The following STXBP5L variants were observed in gnomAD, a reference collection of about 807,000 sequenced individuals.
STXBP5L encodes the protein syntaxin-binding protein 5-like.
STXBP5L carries 65 observed loss-of-function variants against 144.5 expected under a neutral mutation model. The ratio of observed to expected loss-of-function variants is 0.45; its 90% CI spans 0.37 to 0.55. The LOEUF (loss-of-function observed/expected upper bound fraction) is 0.55. STXBP5L is among the 20% of genes least tolerant of loss of function. The pLI is 0.00. For missense variants in STXBP5L, 1,298 were observed against 1,405.5 expected (o/e 0.92, Z 1.22); for synonymous variants, 505 against 469.6 (o/e 1.08, Z -0.97).
At chr3:121,123,344 A>C (rs981322300) in intron 7 of STXBP5L, among the ~76,000 whole-genome samples, 2 of 151,668 alleles carry the variant, frequency 1.3e-5, no homozygotes, top group Non-Finnish European at 3.0e-5. Flanking sequence ...TCCGATATCT[A>C]TACTGTTTAT....
In STXBP5L at chr3:121,029,881, A is replaced by C. The variant is rs139094701; in HGVS notation, c.288-11819A>C. 7.8e-3 allele frequency among the ~76,000 whole-genome samples: 1,192 copies of C among 152,228 alleles called. 12 individuals are homozygous for C. Among genetic ancestry groups the C allele is most frequent in the African/African-American group, 0.028 (1,149 of 41,544 alleles). On this transcript the variant is annotated intron_variant, in intron 3 of 26. Coordinates refer to ENST00000471454, the MANE Select transcript of STXBP5L (RefSeq NM_001308330.2). ...AAGTGGGCAAAGGATATGAACAGAGACTTCTCAAAAGAAGACATTTATGAG... is the reference window on the plus strand; with the variant it reads ...AAGTGGGCAAAGGATATGAACAGAGCCTTCTCAAAAGAAGACATTTATGAG...
chr3:121,114,966 A>G lies in STXBP5L; in HGVS notation c.512A>G (p.Tyr171Cys). 1 of 1,596,182 alleles carries G rather than the reference A, an allele frequency of 6.3e-7. No individual in the cohort carries two copies. Among genetic ancestry groups the G allele is most frequent in the Non-Finnish European group, 8.5e-7 (1 of 1,172,382 alleles). Residue 171 changes from tyrosine to cysteine, a missense_variant, in exon 6 of 27, where the codon TAT becomes TGT. Physicochemically the swap from Tyr to Cys is radical, Grantham distance 194. Coordinates refer to ENST00000471454, the MANE Select transcript of STXBP5L (RefSeq NM_001308330.2). ...CTACCTTTCCAGAGTAAATGGCTTT[A>G]TGTTGGAACAGAAAGAGGAAATACA... ...CHLPFQSKWL[Y>C]VGTERGNTHI... is the part of the protein sequence containing the mutation.
At chr3:121,218,198 T>C (rs112946650) in intron 10 of STXBP5L, among the ~76,000 whole-genome samples, 13,159 of 140,180 alleles carry the variant, frequency 0.094, 869 homozygotes, top group Non-Finnish European at 0.13. Context: ...ATAGTATATA[T>C]ATTACTATAT....
intron 3 of STXBP5L, among the ~76,000 whole-genome samples, chr3:120,961,854 C>G (rs916411845): frequency 2.0e-5 from 3 of 152,242 alleles, no homozygotes; most frequent in Non-Finnish European, 2.9e-5. Context: ...GCCACACTGT[C>G]TTCCACAATA....
In STXBP5L at chr3:121,247,734, T is replaced by C. The variant is rs2049902834; in HGVS notation, c.1401-2989T>C. 2.0e-5 allele frequency among the ~76,000 whole-genome samples: 3 copies of C among 152,254 alleles called. No individual in the cohort carries two copies. The South Asian group carries it at 6.2e-4, about 31-fold the overall frequency. ...ATCCAATCCACTGTTGTTGGGTACC[T>C]AGGTTGATTCCACATGCCATTGTAA... On this transcript the variant is annotated intron_variant, in intron 14 of 26. Coordinates refer to ENST00000471454, the MANE Select transcript of STXBP5L (RefSeq NM_001308330.2).
intron 3 of STXBP5L, among the ~76,000 whole-genome samples, chr3:121,030,601 C>G (rs905909139): frequency 6.6e-6 from 1 of 152,040 alleles, no homozygotes; most frequent in African/African-American, 2.4e-5. Flanking sequence ...ATGGGTGCAG[C>G]AAACCACCAT....
chr3:121,332,727 C>T (rs1351371251), intron 20 of STXBP5L, among the ~76,000 whole-genome samples: 3 of 152,078 alleles, frequency 2.0e-5, no homozygotes, highest in Non-Finnish European at 4.4e-5. Context: ...ACTTCACTGG[C>T]CTTGCTAGAG....
intron 9 of STXBP5L, among the ~76,000 whole-genome samples, chr3:121,187,454 T>A (rs1431363538): frequency 1.3e-5 from 2 of 151,626 alleles, no homozygotes; most frequent in African/African-American, 4.9e-5. Flanking sequence ...ATACACCTAA[T>A]GTTAAACGAA....
chr3:121,355,209 A>G (rs2045462522), intron 20 of STXBP5L, among the ~76,000 whole-genome samples: 1 of 152,014 alleles, frequency 6.6e-6, no homozygotes. Flanking sequence ...TGTTCTCTAT[A>G]TTTCCTGAAT....
intron 2 of STXBP5L, among the ~76,000 whole-genome samples, chr3:120,923,386 G>T (rs1709451771): frequency 1.3e-5 from 2 of 151,186 alleles, no homozygotes; most frequent in Non-Finnish European, 3.0e-5. Flanking sequence ...ATGTTGGGTT[G>T]GATTGTTCTT....
chr3:121,184,051 A>T (rs2047269493), intron 9 of STXBP5L, among the ~76,000 whole-genome samples: 1 of 152,074 alleles, frequency 6.6e-6, no homozygotes, highest in South Asian at 2.1e-4. Context: ...CAAAAACCCC[A>T]TACAAAGGTC....
At chr3:120,961,524 T>C (rs1490879801) in intron 3 of STXBP5L, among the ~76,000 whole-genome samples, 1 of 152,176 alleles carries the variant, frequency 6.6e-6, no homozygotes, top group Non-Finnish European at 1.5e-5. Context: ...ACACGCAGTG[T>C]TTGGTTTTCT....
intron 14 of STXBP5L, among the ~76,000 whole-genome samples, chr3:121,247,488 T>C (rs751674856): frequency 1.3e-5 from 2 of 152,190 alleles, no homozygotes; most frequent in Non-Finnish European, 2.9e-5. Flanking sequence ...CCCACTCTAG[T>C]AGACTGCAGT....
chr3:121,042,027 TTTAAA>T (rs1464538268), intron 4 of STXBP5L, among the ~76,000 whole-genome samples: 1 of 152,128 alleles, frequency 6.6e-6, no homozygotes, highest in Non-Finnish European at 1.5e-5. Context: ...AGTTTAATTA[TTTAAA>T]TTAAGAAAAA....
rs144486456 is a variant in STXBP5L at position 120,921,267 on chromosome 3, A to G, written c.189+11500A>G. Among the ~76,000 whole-genome samples the G allele has an allele frequency of 4.6e-3, 692 of 152,084 alleles. 5 individuals carry two copies. The highest frequency in any genetic ancestry group is 0.016 in the African/African-American group (659 of 41,530). ...TTTCATATGCCTGTTGGCCATTTGTATGTCTTCTTTGAGAAATGTCTACTC... is the reference window on the plus strand; with the variant it reads ...TTTCATATGCCTGTTGGCCATTTGTGTGTCTTCTTTGAGAAATGTCTACTC... On this transcript the variant is annotated intron_variant, in intron 2 of 26. Coordinates refer to ENST00000471454, the MANE Select transcript of STXBP5L (RefSeq NM_001308330.2).
intron 25 of STXBP5L, 71 bp from the exon 26 acceptor site, chr3:121,418,266 G>C (rs1357925055): frequency 6.7e-7 from 1 of 1,484,074 alleles, no homozygotes; most frequent in African/African-American, 1.4e-5. Context: ...CTAGTACTTT[G>C]TCTTGGTGAC....
At chr3:121,150,903 C>G (rs563678650) in intron 7 of STXBP5L, among the ~76,000 whole-genome samples, 2 of 151,968 alleles carry the variant, frequency 1.3e-5, no homozygotes, top group South Asian at 4.2e-4. Context: ...GCCTGGCCAA[C>G]GTGGTGAAAC....
At chr3:121,316,854 G>C (rs9332451) in intron 19 of STXBP5L, among the ~76,000 whole-genome samples, 74,321 of 151,838 alleles carry the variant, frequency 0.49, 18,639 homozygotes, top group East Asian at 0.73. Flanking sequence ...TTTTTTCACT[G>C]TTGTTCCACG....
intron 3 of STXBP5L, among the ~76,000 whole-genome samples, chr3:121,014,069 TATG>T (rs1374338184): frequency 6.6e-6 from 1 of 152,032 alleles, no homozygotes; most frequent in Non-Finnish European, 1.5e-5. Flanking sequence ...AGTCAGGTAA[TATG>T]ATGCCTCCAG....
Sources: gnomAD v4.1 joint callset for allele counts (sites outside exome capture counted in the v4.1 genomes callset) on GRCh38, gnomAD v4.1.1 for gene constraint, MANE v1.5 for transcripts, NCBI Gene and HGNC (gene_info 2026-07-23, HGNC 2026-07-21) for gene names.